NCOA1: variants seen among roughly 807,000 people sequenced by gnomAD.
NCOA1 encodes the protein Hin-2 protein.
A neutral mutation model predicts 150.9 loss-of-function variants in NCOA1; 35 were observed. That is an observed-to-expected ratio of 0.23 (90% CI 0.18 to 0.31). The LOEUF (loss-of-function observed/expected upper bound fraction) is 0.31. Ranked by LOEUF, NCOA1 falls within the 10% of genes least tolerant of loss-of-function variation. The pLI is 1.00. For missense variants in NCOA1, 1,491 were observed against 1,749.3 expected, an observed-to-expected ratio of 0.85 and a Z score of 2.63; for synonymous variants, 590 against 630.0, an observed-to-expected ratio of 0.94 and a Z score of 0.95.
chr2:24,729,405 A>C, intron 16 of NCOA1, 96 bp from the exon 17 acceptor site: 1 of 1,217,246 alleles, frequency 8.2e-7, no homozygotes, highest in Non-Finnish European at 1.2e-6. Context: ...GCATGAATTC[A>C]GAATGAATAT....
chr2:24,750,128 T>G (rs1305924230), intron 19 of NCOA1, among the ~76,000 whole-genome samples: 2 of 151,810 alleles, frequency 1.3e-5, no homozygotes, highest in Non-Finnish European at 2.9e-5. Flanking sequence ...GATATAACAA[T>G]GGAAACTATC....
chr2:24,554,602 A>C (rs1336372876), intron 1 of NCOA1: 1 of 152,224 alleles, frequency 6.6e-6, no homozygotes, highest in Non-Finnish European at 1.5e-5. Flanking sequence ...GACTAATACC[A>C]GGGGGTAGCC....
At chr2:24,569,101 G>A (rs1388014007) in intron 2 of NCOA1, among the ~76,000 whole-genome samples, 2 of 150,544 alleles carry the variant, frequency 1.3e-5, no homozygotes, top group Admixed American at 1.3e-4. Flanking sequence ...TTTTCAGAGA[G>A]GAGAATTGGC....
chr2:24,664,270 C>T (rs1369135782), intron 5 of NCOA1, among the ~76,000 whole-genome samples: 2 of 152,142 alleles, frequency 1.3e-5, no homozygotes, highest in Non-Finnish European at 2.9e-5. Context: ...AAAAGACAAA[C>T]GTGATCGTCA....
At chr2:24,628,501 G>A (rs767769078) in intron 3 of NCOA1, among the ~76,000 whole-genome samples, 4 of 152,014 alleles carry the variant, frequency 2.6e-5, no homozygotes, top group Non-Finnish European at 5.9e-5. Flanking sequence ...TTAATGTTGT[G>A]TATCTACTCT....
intron 4 of NCOA1, among the ~76,000 whole-genome samples, chr2:24,651,477 A>G (rs1003839817): frequency 2.0e-5 from 3 of 152,080 alleles, no homozygotes; most frequent in Non-Finnish European, 1.5e-5. Flanking sequence ...GCATAATCTC[A>G]TTTACATGAG....
intron 1 of NCOA1, among the ~76,000 whole-genome samples, chr2:24,531,980 G>A (rs1460823000): frequency 6.6e-6 from 1 of 152,200 alleles, no homozygotes; most frequent in Non-Finnish European, 1.5e-5. Context: ...CCAGTAATGG[G>A]ATTGCTGGGT....
At chr2:24,517,213 TGA>T (rs1664238617) in intron 1 of NCOA1, among the ~76,000 whole-genome samples, 4 of 151,948 alleles carry the variant, frequency 2.6e-5, no homozygotes. Context: ...TGTAGAGAAT[TGA>T]GTTTGTATTT....
At chr2:24,692,915 C>T (rs1048664333) in intron 9 of NCOA1, among the ~76,000 whole-genome samples, 1 of 152,222 alleles carries the variant, frequency 6.6e-6, no homozygotes, top group African/African-American at 2.4e-5. Context: ...GGCTGGACTG[C>T]AGTGGCGTGA....
Position 24,569,552 on chromosome 2 carries a change from ATTTTTTT to A in NCOA1, c.-260+5143_-260+5149del, listed in dbSNP as rs200639064. On this transcript the variant is annotated intron_variant, in intron 2 of 22. Coordinates refer to ENST00000348332, the MANE Select transcript of NCOA1 (RefSeq NM_003743.5). ...ATCCTCAAACTTGTTGGTTTTATTA[ATTTTTTT>A]TTTTTTTTTTTTTTTTTTTTACTGA... Among the ~76,000 whole-genome samples the A allele has an allele frequency of 5.1e-3, 481 of 93,794 alleles. 5 individuals are homozygous for A. The highest frequency in any genetic ancestry group is 0.016 in the African/African-American group (397 of 24,946). 61.5% of individuals were successfully genotyped at this position (93,794 alleles called of 152,430 possible). A position where few individuals can be genotyped will look rare whatever the true frequency, so the allele number is the denominator to read the frequency against.
chr2:24,756,863 G>A (rs1161544997), intron 20 of NCOA1, among the ~76,000 whole-genome samples: 1 of 152,090 alleles, frequency 6.6e-6, no homozygotes, highest in Non-Finnish European at 1.5e-5. Context: ...GAGATCTTTG[G>A]TGTAACAACA....
In NCOA1 at chr2:24,616,128, G is replaced by A. The variant is rs565608035; in HGVS notation, c.-174-27838G>A. On this transcript the variant is annotated intron_variant, in intron 3 of 22. Coordinates refer to ENST00000348332, the MANE Select transcript of NCOA1 (RefSeq NM_003743.5). Reference sequence around the variant, plus strand: ...GTTACTTGGTAGCATTGTCACATTAGGTTATACATTAGAGGAAGAGAGAAG... The same window carrying A: ...GTTACTTGGTAGCATTGTCACATTAAGTTATACATTAGAGGAAGAGAGAAG... Among the ~76,000 whole-genome samples the A allele has an allele frequency of 9.9e-5, 15 of 152,088 alleles. No homozygotes were observed. The East Asian group carries it at 2.9e-3, about 29-fold the overall frequency.
chr2:24,494,645 A>G (rs536954837), intron 1 of NCOA1, among the ~76,000 whole-genome samples: 43 of 152,326 alleles, frequency 2.8e-4, no homozygotes, highest in African/African-American at 9.9e-4. Flanking sequence ...CAGAGGTCCA[A>G]AAATGTTTTG....
At chr2:24,618,297 G>T (rs1284088543) in intron 3 of NCOA1, among the ~76,000 whole-genome samples, 1 of 152,136 alleles carries the variant, frequency 6.6e-6, no homozygotes, top group African/African-American at 2.4e-5. Flanking sequence ...AGACACGGCA[G>T]CCTCTTGACT....
chr2:24,680,019 A>C (rs1036984871), intron 7 of NCOA1, among the ~76,000 whole-genome samples: 1 of 152,128 alleles, frequency 6.6e-6, no homozygotes, highest in Admixed American at 6.5e-5. Context: ...ATTTATTTTA[A>C]TATTTGGTTT....
chr2:24,688,682 T>C (rs1242648120), intron 8 of NCOA1, among the ~76,000 whole-genome samples: 1 of 152,218 alleles, frequency 6.6e-6, no homozygotes, highest in Non-Finnish European at 1.5e-5. Context: ...GCAAATATTT[T>C]CTCCGATTCT....
At chr2:24,505,225 T>G (rs1261979074) in intron 1 of NCOA1, among the ~76,000 whole-genome samples, 1 of 152,014 alleles carries the variant, frequency 6.6e-6, no homozygotes, top group Non-Finnish European at 1.5e-5. Flanking sequence ...TTGCCCTTGT[T>G]GCTGAGGCTG....
At chr2:24,640,854 T>C (rs1670180560) in intron 3 of NCOA1, among the ~76,000 whole-genome samples, 1 of 152,220 alleles carries the variant, frequency 6.6e-6, no homozygotes, top group African/African-American at 2.4e-5. Context: ...ACTATACCTC[T>C]TATTGACAGC....
chr2:24,642,665 G>A (rs1051901105), intron 3 of NCOA1, among the ~76,000 whole-genome samples: 2 of 152,092 alleles, frequency 1.3e-5, no homozygotes, highest in African/African-American at 4.8e-5. Flanking sequence ...TTTTACAAAA[G>A]CCTGTACAGA....
Sources: gnomAD v4.1 joint callset for allele counts (sites outside exome capture counted in the v4.1 genomes callset) on GRCh38, gnomAD v4.1.1 for gene constraint, MANE v1.5 for transcripts, NCBI Gene and HGNC (gene_info 2026-07-23, HGNC 2026-07-21) for gene names.